Variants in SMC3 observed in about 807,000 individuals in gnomAD.
SMC3 encodes the protein structural maintenance of chromosomes 3, also known as structural maintenance of chromosomes protein 3.
SMC3 carries 20 observed loss-of-function variants against 171.8 expected under a neutral mutation model. The ratio of observed to expected loss-of-function variants is 0.12; its 90% CI spans 0.08 to 0.17. The LOEUF (loss-of-function observed/expected upper bound fraction) is 0.17, where lower values mean the gene tolerates loss of function less well. SMC3 is among the 10% of genes least tolerant of loss of function. The pLI is 1.00. For missense variants in SMC3, 543 were observed against 1,420.4 expected (o/e 0.38, Z 9.93); for synonymous variants, 464 against 451.1 (o/e 1.03, Z -0.36).
chr10:110,581,006 T>C lies in SMC3; in HGVS notation c.532T>C (p.Leu178=). 3 of 1,563,926 alleles carry C rather than the reference T, an allele frequency of 1.9e-6. No homozygotes were observed. The highest frequency in any genetic ancestry group is 2.2e-5 in the South Asian group (2 of 90,076). Residue 178 remains leucine (L), a synonymous_variant, in exon 8 of 29, where the codon TTA becomes CTA. Coordinates refer to ENST00000361804, the MANE Select transcript of SMC3 (RefSeq NM_005445.4). ...YDERKEESIS[L]MKETEGKREK... Reference sequence around the variant, plus strand: ...CGAACGAAAGGAAGAAAGCATCTCCTTAATGAAAGAAACAGGTAAAATAAA... The same window carrying C: ...CGAACGAAAGGAAGAAAGCATCTCCCTAATGAAAGAAACAGGTAAAATAAA...
chr10:110,575,192 C>T, intron 3 of SMC3, 144 bp from the exon 4 acceptor site: 1 of 654,696 alleles, frequency 1.5e-6, no homozygotes, highest in East Asian at 2.8e-5. Flanking sequence ...ACATTTTCTG[C>T]ATTTCCTTTT....
chr10:110,593,476 G>A (rs955525351), intron 18 of SMC3, among the ~76,000 whole-genome samples: 1 of 152,128 alleles, frequency 6.6e-6, no homozygotes, highest in Non-Finnish European at 1.5e-5. Flanking sequence ...GGAGGCTGGG[G>A]CAGGAGAATT....
At chr10:110,586,857 A>T (rs1861126023) in intron 13 of SMC3, among the ~76,000 whole-genome samples, 1 of 152,056 alleles carries the variant, frequency 6.6e-6, no homozygotes, top group Admixed American at 6.6e-5. Flanking sequence ...GGGTTTCACC[A>T]TGTTGGTCAG....
At chr10:110,598,052 A>G (rs1018089267) in intron 19 of SMC3, 87 bp from the exon 20 acceptor site, 89 of 1,221,174 alleles carry the variant, frequency 7.3e-5, no homozygotes, top group Middle Eastern at 2.1e-4. Flanking sequence ...AAAGAAAAGG[A>G]AGGGATACAT....
At position 110,596,393 on chromosome 10, in the gene SMC3, T is replaced by C; in HGVS notation, c.1964-5T>C. The C allele has an allele frequency of 1.2e-6, 2 of 1,613,598 alleles. No individual in the cohort carries two copies. Among genetic ancestry groups the C allele is most frequent in the South Asian group, 1.1e-5 (1 of 90,962 alleles). ...ACAGACCTATTACATATGTTTTGTTTATAGGTGACCAAGTCAGCCATCGGG... is the reference window on the plus strand; with the variant it reads ...ACAGACCTATTACATATGTTTTGTTCATAGGTGACCAAGTCAGCCATCGGG... On this transcript the variant is annotated splice_polypyrimidine_tract_variant and splice_region_variant and intron_variant, in intron 18 of 28. Transcript: ENST00000361804.
At chr10:110,569,959 T>G (rs1431326096) in intron 2 of SMC3, among the ~76,000 whole-genome samples, 1 of 152,260 alleles carries the variant, frequency 6.6e-6, no homozygotes, top group East Asian at 1.9e-4. Flanking sequence ...AGTTTTGCTG[T>G]ACAGAGTCCA....
chr10:110,600,288 T>C (rs117234387), intron 21 of SMC3, 151 bp from the exon 22 acceptor site: 2 of 597,270 alleles, frequency 3.3e-6, no homozygotes, highest in Non-Finnish European at 6.0e-6. Context: ...AAGAGAAAAA[T>C]GAAGAAAGTA....
intron 1 of SMC3, 78 bp downstream of exon 1, chr10:110,567,909 C>T (rs1860798634): frequency 6.2e-6 from 9 of 1,454,914 alleles, no homozygotes; most frequent in Non-Finnish European, 9.3e-7. Context: ...GCGGCGCCAC[C>T]CGCAGCCTCT....
Position 110,599,951 on chromosome 10 carries a change from G to A in SMC3, c.2427+139G>A, listed in dbSNP as rs370607578. ...GAGGCTTGGACTTTTAATATACATA[G>A]GAGTAAATAAGATTTTGTTTTTCTA... On this transcript the variant is annotated intron_variant, in intron 21 of 28. Coordinates refer to ENST00000361804, the MANE Select transcript of SMC3 (RefSeq NM_005445.4). 1.3e-4 allele frequency: 104 copies of A among 799,512 alleles called. No individual in the cohort carries two copies. The African/African-American group carries it at 1.5e-3, about 11-fold the overall frequency. The allele number at this position is 799,512 out of a possible 1,614,324, so 49.5% of individuals were successfully genotyped here. A position where few individuals can be genotyped will look rare whatever the true frequency, so the allele number is the denominator to read the frequency against.
At chr10:110,586,209 C>G (rs547337843) in intron 13 of SMC3, among the ~76,000 whole-genome samples, 1 of 152,142 alleles carries the variant, frequency 6.6e-6, no homozygotes, top group Admixed American at 6.5e-5. Context: ...TACTCATATT[C>G]TCACTTTACA....
chr10:110,591,260 C>T, intron 17 of SMC3, 128 bp downstream of exon 17: 1 of 951,364 alleles, frequency 1.1e-6, no homozygotes, highest in Non-Finnish European at 1.6e-6. Flanking sequence ...AAATATCTGT[C>T]TTCCCATGGA....
At chr10:110,598,320 G>A (rs768637429) in intron 20 of SMC3, 30 bp downstream of exon 20, 4 of 1,578,858 alleles carry the variant, frequency 2.5e-6, no homozygotes, top group Admixed American at 1.7e-5. Flanking sequence ...GTTATAGATC[G>A]ATTGTTACAG....
chr10:110,581,024 AAAAT>A lies in SMC3; in HGVS notation c.547+8_547+11del, dbSNP rs770368674. The stretch of plus-strand genomic sequence containing the variant: ...CATCTCCTTAATGAAAGAAACAGGT[AAAAT>A]AAATGTGATTCTGCCTTATTTTTTT... On this transcript the variant is annotated splice_donor_5th_base_variant and intron_variant, in intron 8 of 28. Transcript: ENST00000361804. The A allele has an allele frequency of 6.2e-6, 9 of 1,463,086 alleles. No homozygotes were observed. In the African/African-American group the frequency reaches 1.1e-4, roughly 18 times the overall value. The allele number at this position is 1,463,086 out of a possible 1,614,324, so 90.6% of individuals were successfully genotyped here. A position where few individuals can be genotyped will look rare whatever the true frequency, so the allele number is the denominator to read the frequency against.
At chr10:110,577,721 G>A in intron 5 of SMC3, 114 bp from the exon 6 acceptor site, 1 of 759,776 alleles carries the variant, frequency 1.3e-6, no homozygotes, top group Non-Finnish European at 2.2e-6. Flanking sequence ...TTTTTAGTGA[G>A]ATAATTGAAA....
chr10:110,597,324 A>C (rs890962460), intron 19 of SMC3, among the ~76,000 whole-genome samples: 2 of 151,904 alleles, frequency 1.3e-5, no homozygotes. Flanking sequence ...AGTTCAGTTC[A>C]CAAATGAAAC....
chr10:110,602,463 T>C lies in SMC3; in HGVS notation c.3106-11T>C, dbSNP rs760363352. The C allele has an allele frequency of 6.2e-7, 1 of 1,607,128 alleles. No homozygotes were observed. The highest frequency in any genetic ancestry group is 8.5e-7 in the Non-Finnish European group (1 of 1,175,036). ...AGCAAAATTTATATTTCAATCTGCT[T>C]TTGTTTTAAGGTATCTAAGAACTTC... On this transcript the variant is annotated splice_polypyrimidine_tract_variant and intron_variant, in intron 25 of 28. Transcript: ENST00000361804.
intron 17 of SMC3, among the ~76,000 whole-genome samples, chr10:110,591,593 A>G (rs1590562593): frequency 6.6e-6 from 1 of 152,202 alleles, no homozygotes; most frequent in Non-Finnish European, 1.5e-5. Flanking sequence ...TAGTAAGGTG[A>G]TAGACTTCGG....
At chr10:110,582,173 TAC>T in intron 9 of SMC3, 75 bp downstream of exon 9, 2 of 1,250,108 alleles carry the variant, frequency 1.6e-6, no homozygotes, top group Non-Finnish European at 2.3e-6. Context: ...AGGCCATAAT[TAC>T]ACTTTTCAGT....
chr10:110,581,934 G>GA lies in SMC3; in HGVS notation c.565dup (p.Ile189AsnfsTer3), dbSNP rs1861037462. 2 of 1,613,468 alleles carry GA rather than the reference G, an allele frequency of 1.2e-6. No homozygotes were observed. The highest frequency in any genetic ancestry group is 1.7e-6 in the Non-Finnish European group (2 of 1,179,632). On this transcript the variant is annotated frameshift_variant, in exon 9 of 29. Transcript: ENST00000361804. LOFTEE classifies it high-confidence loss of function. ...CCATTTCTTTTAAGAGGGCAAACGG[G>GA]AAAAAATCAATGAGTTGTTAAAATA...
Sources: gnomAD v4.1 joint callset for allele counts (sites outside exome capture counted in the v4.1 genomes callset) on GRCh38, gnomAD v4.1.1 for gene constraint, MANE v1.5 for transcripts, NCBI Gene and HGNC (gene_info 2026-07-23, HGNC 2026-07-21) for gene names.